The following STK33 variants were observed in gnomAD, a reference collection of about 807,000 sequenced individuals.
The protein encoded by STK33 is serine/threonine-protein kinase 33.
STK33 carries 52 observed loss-of-function variants against 58.0 expected under a neutral mutation model. The observed-to-expected ratio is 0.90, with a 90% confidence interval of 0.72 to 1.13. The LOEUF (loss-of-function observed/expected upper bound fraction) is 1.13, where lower values mean the gene tolerates loss of function less well. Ranked by LOEUF, STK33 falls within the 50% of genes most tolerant of loss-of-function variation. STK33 has a pLI of 0.00. For synonymous variants in STK33, 215 were observed against 200.1 expected, an observed-to-expected ratio of 1.07 and a Z score of -0.63; for missense variants, 630 against 604.2, an observed-to-expected ratio of 1.04 and a Z score of -0.45.
intron 2 of STK33, among the ~76,000 whole-genome samples, chr11:8,479,802 C>A (rs146126366): frequency 7.9e-5 from 12 of 152,144 alleles, no homozygotes; most frequent in Non-Finnish European, 1.3e-4. Context: ...GAGATCGCAC[C>A]ACTGCACTCT....
intron 1 of STK33, among the ~76,000 whole-genome samples, chr11:8,522,964 G>A (rs907711961): frequency 4.7e-4 from 72 of 152,196 alleles, no homozygotes; most frequent in Non-Finnish European, 8.4e-4. Context: ...ACTGGTTTTC[G>A]TATTTTTTTG....
At chr11:8,355,629 C>T in the STK33 span, among the ~76,000 whole-genome samples, 1 of 152,244 alleles carries the variant, frequency 6.6e-6, no homozygotes, top group Non-Finnish European at 1.5e-5. Context: ...TTGAGGCCAG[C>T]AGCACAGCCT....
At chr11:8,545,164 A>G (rs1955817767) in intron 1 of STK33, among the ~76,000 whole-genome samples, 1 of 152,206 alleles carries the variant, frequency 6.6e-6, no homozygotes, top group Non-Finnish European at 1.5e-5. Context: ...GATTATTCCA[A>G]CCTCATCTGA....
intron 6 of STK33, chr11:8,467,135 T>G (rs541528762): frequency 3.3e-5 from 5 of 152,342 alleles, no homozygotes; most frequent in Non-Finnish European, 7.3e-5. Flanking sequence ...TGGAGACATT[T>G]TTCTCATTGT....
Position 8,413,687 on chromosome 11 carries a change from A to C in STK33, c.1152T>G (p.Asn384Lys), listed in dbSNP as rs781323502. Residue 384 changes from asparagine to lysine, a missense_variant, in exon 15 of 16, where the codon AAT becomes AAG. By Grantham distance (94) the Asn-to-Lys change is moderately conservative. Coordinates refer to ENST00000687296, the MANE Select transcript of STK33 (RefSeq NM_001352389.2). ...ELLDNQWLTG[N>K]KLSSVRPTNV... is the part of the protein sequence containing the mutation. ...TGGTTGGTCTCACCGAAGAAAGTTT[A>C]TTGCCCTAATATTAACAATCAATTT... The C allele has an allele frequency of 6.2e-7, 1 of 1,613,272 alleles. No homozygotes were observed. The highest frequency in any genetic ancestry group is 1.7e-5 in the Admixed American group (1 of 59,916).
intron 15 of STK33, among the ~76,000 whole-genome samples, chr11:8,402,251 T>G (rs1160036408): frequency 2.6e-5 from 4 of 152,072 alleles, no homozygotes; most frequent in Non-Finnish European, 4.4e-5. Flanking sequence ...ATTAAGAAAA[T>G]GAGGCACATA....
intron 1 of STK33, among the ~76,000 whole-genome samples, chr11:8,548,925 C>T (rs1386847558): frequency 2.0e-5 from 3 of 151,942 alleles, no homozygotes; most frequent in Non-Finnish European, 4.4e-5. Flanking sequence ...TCAGATTGTT[C>T]ACTGTTGGTG....
In STK33 at chr11:8,478,639, T is replaced by C. The variant is rs1457697720; in HGVS notation, c.-260-1356A>G. 5.3e-5 allele frequency among the ~76,000 whole-genome samples: 8 copies of C among 152,308 alleles called. No individual in the cohort carries two copies. The East Asian group carries it at 1.2e-3, about 22-fold the overall frequency. ...TGGTTTTATAAGATATAACTAGCTA[T>C]AATTTTCTTCTCCAAAAGCAATTTT... On this transcript the variant is annotated intron_variant, in intron 2 of 15. Transcript: ENST00000687296.
At chr11:8,511,897 G>C (rs1453425454) in intron 1 of STK33, among the ~76,000 whole-genome samples, 2 of 151,874 alleles carry the variant, frequency 1.3e-5, no homozygotes, top group Non-Finnish European at 2.9e-5. Flanking sequence ...GAAGATTTTT[G>C]CATCTATCAA....
chr11:8,354,509 CA>C, the STK33 span, among the ~76,000 whole-genome samples: 2 of 143,366 alleles, frequency 1.4e-5, no homozygotes, highest in Admixed American at 6.9e-5. Flanking sequence ...CACACACACA[CA>C]CACACACCCC....
chr11:8,385,296 G>T, the STK33 span, among the ~76,000 whole-genome samples: 2 of 152,100 alleles, frequency 1.3e-5, no homozygotes, highest in African/African-American at 4.8e-5. Flanking sequence ...ATAATCAGAC[G>T]TCGAGCCCTC....
chr11:8,586,793 C>T (rs2031716933), intron 1 of STK33, among the ~76,000 whole-genome samples: 1 of 144,742 alleles, frequency 6.9e-6, no homozygotes, highest in African/African-American at 2.6e-5. Flanking sequence ...CACTGCACTC[C>T]AGCCTGGGTG....
At chr11:8,416,598 T>C (rs529177083) in intron 14 of STK33, among the ~76,000 whole-genome samples, 52 of 152,300 alleles carry the variant, frequency 3.4e-4, no homozygotes, top group Non-Finnish European at 4.1e-4. Flanking sequence ...AAAGCAAGGA[T>C]TGCCTACATT....
At chr11:8,412,231 A>C (rs1012131692) in intron 15 of STK33, among the ~76,000 whole-genome samples, 9 of 152,214 alleles carry the variant, frequency 5.9e-5, no homozygotes, top group Non-Finnish European at 1.0e-4. Flanking sequence ...AAAATCTTCA[A>C]ACTATGTTCA....
intron 1 of STK33, among the ~76,000 whole-genome samples, chr11:8,560,447 TATTAATG>T (rs2140922764): frequency 6.6e-6 from 1 of 151,200 alleles, no homozygotes. Flanking sequence ...GATCCCTAAA[TATTAATG>T]ATATCAATCC....
At chr11:8,543,295 T>C (rs928964820) in intron 1 of STK33, among the ~76,000 whole-genome samples, 2 of 152,250 alleles carry the variant, frequency 1.3e-5, no homozygotes, top group African/African-American at 4.8e-5. Context: ...CTCAAAAATA[T>C]ATTTTTAACT....
intron 15 of STK33, among the ~76,000 whole-genome samples, chr11:8,403,701 C>G (rs1046351538): frequency 1.3e-5 from 2 of 152,146 alleles, no homozygotes; most frequent in African/African-American, 4.8e-5. Context: ...AATTCAGTAC[C>G]CTTGGCCTAA....
intron 7 of STK33, among the ~76,000 whole-genome samples, chr11:8,464,203 G>A (rs573002639): frequency 1.3e-5 from 2 of 152,274 alleles, no homozygotes; most frequent in Admixed American, 1.3e-4. Flanking sequence ...GAAATCTAGT[G>A]AGGAGTGCAG....
Position 8,392,414 on chromosome 11 carries a change from G to A in STK33, c.*96C>T. 7.1e-7 allele frequency: 1 copy of A among 1,408,682 alleles called. No homozygotes were observed. The highest frequency in any genetic ancestry group is 9.8e-7 in the Non-Finnish European group (1 of 1,016,296). The allele number at this position is 1,408,682 out of a possible 1,614,324, so 87.3% of individuals were successfully genotyped here. The stretch of plus-strand genomic sequence containing the variant: ...GCTCTGTGGAGCTAAAAGGCTACAA[G>A]CTCAGCATAGGGCTGTCTTCTTCCC... On this transcript the variant is annotated 3_prime_UTR_variant, in exon 16 of 16. Transcript: ENST00000687296.
Sources: allele counts gnomAD v4.1 joint callset (sites outside exome capture counted in the v4.1 genomes callset), GRCh38; gene constraint gnomAD v4.1.1; transcripts MANE v1.5; gene names NCBI Gene and HGNC (gene_info 2026-07-23, HGNC 2026-07-21).